Variants in ATP9B observed in about 807,000 individuals in gnomAD.
ATP9B encodes probable phospholipid-transporting ATPase IIB.
A neutral mutation model predicts 146.1 loss-of-function variants in ATP9B; 110 were observed. That is an observed-to-expected ratio of 0.75 (90% CI 0.65 to 0.88). The LOEUF is 0.88. Ranked by LOEUF, ATP9B falls within the 40% of genes least tolerant of loss-of-function variation. The probability of loss-of-function intolerance (pLI) is 0.00; values close to 1 mark genes in which losing one functional copy is unlikely to be tolerated. For missense variants in ATP9B, 1,499 were observed against 1,496.4 expected, an observed-to-expected ratio of 1.00 and a Z score of -0.03; for synonymous variants, 604 against 569.7, an observed-to-expected ratio of 1.06 and a Z score of -0.86.
In ATP9B at chr18:79,206,931, G is replaced by C; in HGVS notation, c.955-6G>C. ...GGTTTTGTTTTCTTTTTGTCTCCCT[G>C]CACAGGAAGACAGTGACCCGCCCAT... On this transcript the variant is annotated splice_polypyrimidine_tract_variant and splice_region_variant and intron_variant, in intron 9 of 29. Coordinates refer to ENST00000426216, the MANE Select transcript of ATP9B (RefSeq NM_198531.5). The C allele has an allele frequency of 6.2e-7, 1 of 1,613,488 alleles. No individual in the cohort carries two copies. The highest frequency in any genetic ancestry group is 2.2e-5 in the East Asian group (1 of 44,866).
At chr18:79,305,354 T>A (rs545548367) in intron 14 of ATP9B, among the ~76,000 whole-genome samples, 3 of 152,344 alleles carry the variant, frequency 2.0e-5, no homozygotes, top group East Asian at 1.9e-4. Context: ...CGGCATGCTG[T>A]CAAATGGAAG....
At chr18:79,113,475 T>C in intron 4 of ATP9B, 121 bp downstream of exon 4, 1 of 627,536 alleles carries the variant, frequency 1.6e-6, no homozygotes, top group Non-Finnish European at 2.7e-6. Flanking sequence ...TAGTGTTCAC[T>C]GAACTTCTGT....
chr18:79,368,745 A>G (rs2097050526), intron 26 of ATP9B, among the ~76,000 whole-genome samples: 1 of 152,058 alleles, frequency 6.6e-6, no homozygotes, highest in South Asian at 2.1e-4. Flanking sequence ...TGTGGCAAGC[A>G]GAAGAGCTGT....
chr18:79,088,472 C>T (rs938786021), intron 1 of ATP9B, among the ~76,000 whole-genome samples: 8 of 152,134 alleles, frequency 5.3e-5, no homozygotes, highest in Non-Finnish European at 1.2e-4. Flanking sequence ...CTTCATAGAT[C>T]ATGTAATTTT....
At chr18:79,088,971 G>C (rs1034883732) in intron 1 of ATP9B, among the ~76,000 whole-genome samples, 1 of 152,170 alleles carries the variant, frequency 6.6e-6, no homozygotes. Flanking sequence ...ATCCAAGACC[G>C]TTGGCCATAT....
intron 13 of ATP9B, among the ~76,000 whole-genome samples, chr18:79,289,485 T>G (rs938429982): frequency 1.3e-5 from 2 of 152,206 alleles, no homozygotes; most frequent in African/African-American, 2.4e-5. Flanking sequence ...TAAGCACTTC[T>G]CTGTATTGGT....
intron 17 of ATP9B, among the ~76,000 whole-genome samples, chr18:79,334,973 A>G (rs1187431554): frequency 6.6e-6 from 1 of 151,968 alleles, no homozygotes; most frequent in Non-Finnish European, 1.5e-5. Flanking sequence ...CCTTGCAGGA[A>G]CACGTGCCCT....
At chr18:79,113,666 C>G (rs2094012349) in intron 4 of ATP9B, among the ~76,000 whole-genome samples, 1 of 152,182 alleles carries the variant, frequency 6.6e-6, no homozygotes, top group Non-Finnish European at 1.5e-5. Context: ...CTGTTTGATG[C>G]AGCTGTTGGG....
At position 79,208,649 on chromosome 18, in the gene ATP9B, G is replaced by C. The variant is rs535152507; in HGVS notation, c.1030+1637G>C. Among the ~76,000 whole-genome samples, 4 of 152,168 alleles carry C rather than the reference G, an allele frequency of 2.6e-5. No individual in the cohort carries two copies. The South Asian group carries it at 8.3e-4, about 32-fold the overall frequency. ...AAAAATGCTTGATGGGTATATGACA[G>C]TTTTAATAGGTGACAATTTTTGTGG... is the stretch of plus-strand genomic sequence containing the variant. On this transcript the variant is annotated intron_variant, in intron 10 of 29. Transcript: ENST00000426216.
Position 79,206,917 on chromosome 18 carries a change from C to CT in ATP9B, c.955-15dup. The CT allele has an allele frequency of 6.2e-7, 1 of 1,611,084 alleles. No individual in the cohort carries two copies. The highest frequency in any genetic ancestry group is 1.1e-5 in the South Asian group (1 of 90,908). On this transcript the variant is annotated intron_variant, in intron 9 of 29. Transcript: ENST00000426216. Reference sequence around the variant, plus strand: ...AACAATCATTTGACGGTTTTGTTTTCTTTTTGTCTCCCTGCACAGGAAGAC... The same window carrying CT: ...AACAATCATTTGACGGTTTTGTTTTCTTTTTTGTCTCCCTGCACAGGAAGAC...
intron 1 of ATP9B, among the ~76,000 whole-genome samples, chr18:79,071,497 C>A (rs917554302): frequency 7.0e-6 from 1 of 142,270 alleles, no homozygotes; most frequent in African/African-American, 2.6e-5. Flanking sequence ...TGGGCCCAGG[C>A]AATCCACCCA....
intron 1 of ATP9B, 129 bp from the exon 2 acceptor site, chr18:79,096,347 G>T: frequency 1.2e-6 from 1 of 852,578 alleles, no homozygotes. Flanking sequence ...AGCAGCCTCT[G>T]CAGTCTTATT....
intron 4 of ATP9B, among the ~76,000 whole-genome samples, chr18:79,125,089 T>G (rs1428337714): frequency 6.6e-6 from 1 of 152,242 alleles, no homozygotes; most frequent in African/African-American, 2.4e-5. Context: ...GAGAATAGTT[T>G]TAGTCAAGTG....
chr18:79,354,279 C>T (rs1008117168), intron 25 of ATP9B: 3 of 151,764 alleles, frequency 2.0e-5, no homozygotes, highest in African/African-American at 7.3e-5. Flanking sequence ...TTAACAACAA[C>T]AAAAAAAACC....
chr18:79,375,648 A>G, intron 29 of ATP9B: 1 of 985,438 alleles, frequency 1.0e-6, no homozygotes, highest in Admixed American at 6.1e-5. Context: ...AGTGAGGGGA[A>G]GGGGCCGGGC....
At chr18:79,224,497 T>C (rs1319693657) in intron 11 of ATP9B, among the ~76,000 whole-genome samples, 1 of 152,182 alleles carries the variant, frequency 6.6e-6, no homozygotes, top group African/African-American at 2.4e-5. Context: ...TTCTGTGGGC[T>C]GCCAGACTAG....
In ATP9B at chr18:79,229,875, CATA is replaced by C. The variant is rs139642035; in HGVS notation, c.1107+15840_1107+15842del. Among the ~76,000 whole-genome samples the C allele has an allele frequency of 7.9e-3, 1,200 of 152,124 alleles. 16 individuals carry two copies. The highest frequency in any genetic ancestry group is 0.028 in the African/African-American group (1,149 of 41,504). On this transcript the variant is annotated intron_variant, in intron 11 of 29. Coordinates refer to ENST00000426216, the MANE Select transcript of ATP9B (RefSeq NM_198531.5). Reference sequence around the variant, plus strand: ...AAAGTATCTGTGTTACTTGTATTTGCATAATTTCATTTAATATACACTTTGAAT... The same window carrying C: ...AAAGTATCTGTGTTACTTGTATTTGCATTTCATTTAATATACACTTTGAAT...
At chr18:79,343,359 A>T (rs1240729268) in intron 20 of ATP9B, among the ~76,000 whole-genome samples, 3 of 152,322 alleles carry the variant, frequency 2.0e-5, no homozygotes, top group East Asian at 3.9e-4. Context: ...TTTCAGTCCT[A>T]TTAATAGGAC....
chr18:79,377,205 T>C, intron 29 of ATP9B, 42 bp from the exon 30 acceptor site: 1 of 1,606,308 alleles, frequency 6.2e-7, no homozygotes, highest in Non-Finnish European at 8.5e-7. Context: ...GCCCAGGACT[T>C]CTTGGTCAGC....
Sources: gnomAD v4.1 joint callset for allele counts (sites outside exome capture counted in the v4.1 genomes callset) on GRCh38, gnomAD v4.1.1 for gene constraint, MANE v1.5 for transcripts, NCBI Gene and HGNC (gene_info 2026-07-23, HGNC 2026-07-21) for gene names.